The following ZNF652 variants were observed in gnomAD, a reference collection of about 807,000 sequenced individuals.
The protein encoded by ZNF652 is zinc finger protein 652.
A neutral mutation model predicts 45.2 loss-of-function variants in ZNF652; 16 were observed. The observed-to-expected ratio is 0.35, with a 90% confidence interval of 0.24 to 0.54. The LOEUF is 0.54. ZNF652 is among the 20% of genes least tolerant of loss of function. ZNF652 has a pLI of 0.91. For synonymous variants in ZNF652, 250 were observed against 260.6 expected (o/e 0.96, Z 0.39); for missense variants, 614 against 765.6 (o/e 0.80, Z 2.34).
chr17:49,321,296 C>T (rs2069888199), intron 1 of ZNF652, among the ~76,000 whole-genome samples: 1 of 152,028 alleles, frequency 6.6e-6, no homozygotes, highest in South Asian at 2.1e-4. Flanking sequence ...CAGAATCTCA[C>T]TCTGTCACCC....
intron 1 of ZNF652, among the ~76,000 whole-genome samples, chr17:49,356,012 C>G (rs571959975): frequency 6.6e-6 from 1 of 152,200 alleles, no homozygotes; most frequent in South Asian, 2.1e-4. Context: ...AGGTTTTGCT[C>G]TTAGGTTGAC....
chr17:49,298,355 C>T lies in ZNF652; in HGVS notation c.*58G>A. The stretch of plus-strand genomic sequence containing the variant: ...CTAAGGAAATGCTCACCGACTCCCT[C>T]TGTGCACGCTCACACATGGGGACGT... On this transcript the variant is annotated 3_prime_UTR_variant, in exon 6 of 6. Transcript: ENST00000430262. The T allele has an allele frequency of 6.3e-7, 1 of 1,598,342 alleles. No individual in the cohort carries two copies. Among genetic ancestry groups the T allele is most frequent in the South Asian group, 1.1e-5 (1 of 88,988 alleles).
intron 1 of ZNF652, among the ~76,000 whole-genome samples, chr17:49,349,309 G>A (rs2070245339): frequency 6.6e-6 from 1 of 152,100 alleles, no homozygotes; most frequent in South Asian, 2.1e-4. Flanking sequence ...TGAGACAGCA[G>A]AATTGCTTGA....
chr17:49,331,553 A>T (rs995323348), intron 1 of ZNF652, among the ~76,000 whole-genome samples: 1 of 152,230 alleles, frequency 6.6e-6, no homozygotes, highest in Non-Finnish European at 1.5e-5. Flanking sequence ...AGAGATGTCA[A>T]ATTGACTAGA....
intron 5 of ZNF652, among the ~76,000 whole-genome samples, chr17:49,310,160 A>G (rs1281117789): frequency 6.6e-6 from 1 of 152,094 alleles, no homozygotes; most frequent in Non-Finnish European, 1.5e-5. Flanking sequence ...TCACCGTGTT[A>G]GCCAGGATGG....
At chr17:49,324,213 A>T (rs1291396811) in intron 1 of ZNF652, among the ~76,000 whole-genome samples, 1 of 151,942 alleles carries the variant, frequency 6.6e-6, no homozygotes, top group Non-Finnish European at 1.5e-5. Context: ...TCATGAACCA[A>T]CCTCTCTGCT....
intron 1 of ZNF652, among the ~76,000 whole-genome samples, chr17:49,352,756 G>A (rs960826888): frequency 3.9e-5 from 6 of 152,170 alleles, no homozygotes; most frequent in Admixed American, 1.3e-4. Context: ...ACGAATGTAC[G>A]TGATCTGTGG....
intron 1 of ZNF652, among the ~76,000 whole-genome samples, chr17:49,327,766 TATATATA>T (rs1567690514): frequency 1.7e-4 from 1 of 5,904 alleles, no homozygotes; most frequent in African/African-American, 8.7e-4. Flanking sequence ...TATATATATA[TATATATA>T]TATATATTTT....
chr17:49,358,700 T>C (rs942533043), intron 1 of ZNF652, among the ~76,000 whole-genome samples: 1 of 152,174 alleles, frequency 6.6e-6, no homozygotes, highest in Admixed American at 6.5e-5. Flanking sequence ...AAAAGTATTT[T>C]CTTACCACAC....
At chr17:49,330,828 A>G (rs1598303879) in intron 1 of ZNF652, among the ~76,000 whole-genome samples, 1 of 151,700 alleles carries the variant, frequency 6.6e-6, no homozygotes, top group Admixed American at 6.6e-5. Context: ...AGGCAGGTGG[A>G]TCACCTGAGA....
intron 1 of ZNF652, among the ~76,000 whole-genome samples, chr17:49,353,929 C>T (rs2070307893): frequency 1.3e-5 from 2 of 152,138 alleles, no homozygotes; most frequent in South Asian, 4.1e-4. Flanking sequence ...CATAAATCAT[C>T]TTTAAAGAAA....
chr17:49,344,740 C>T (rs1258278885), intron 1 of ZNF652, among the ~76,000 whole-genome samples: 3 of 152,032 alleles, frequency 2.0e-5, no homozygotes, highest in Non-Finnish European at 2.9e-5. Context: ...AGGCTGGTCG[C>T]GAACTCCTGA....
intron 1 of ZNF652, among the ~76,000 whole-genome samples, chr17:49,360,218 T>C (rs2070378322): frequency 6.6e-6 from 1 of 152,206 alleles, no homozygotes; most frequent in African/African-American, 2.4e-5. Flanking sequence ...CTTTGTTGTT[T>C]ATTGCTCAGG....
chr17:49,356,458 C>CAA (rs1491255783), intron 1 of ZNF652, among the ~76,000 whole-genome samples: 1 of 99,906 alleles, frequency 1.0e-5, no homozygotes, highest in Non-Finnish European at 2.3e-5. Context: ...AAAATCAAAA[C>CAA]CAAAAAAAAA....
intron 1 of ZNF652, among the ~76,000 whole-genome samples, chr17:49,337,836 T>C (rs1271635886): frequency 6.6e-6 from 1 of 152,188 alleles, no homozygotes; most frequent in African/African-American, 2.4e-5. Flanking sequence ...AAGCTTTGAT[T>C]ATTATCTACA....
In ZNF652 at chr17:49,294,548, G is replaced by A. The variant is rs1345689858; in HGVS notation, c.*3865C>T. On this transcript the variant is annotated 3_prime_UTR_variant, in exon 6 of 6. Transcript: ENST00000430262. ...CAAATTTAAAAATCTAACTCCGAAT[G>A]AGCCTATCTGACTCAATTTGAGAAA... The A allele has an allele frequency of 6.6e-6, 1 of 152,114 alleles. No individual in the cohort carries two copies. Among genetic ancestry groups the A allele is most frequent in the African/African-American group, 2.4e-5 (1 of 41,426 alleles). The allele number at this position is 152,114 out of a possible 1,614,324, so 9.4% of individuals were successfully genotyped here. A position where few individuals can be genotyped will look rare whatever the true frequency, so the allele number is the denominator to read the frequency against.
At chr17:49,312,159 CTTTTTTTTTTTTTT>C (rs34553823) in intron 3 of ZNF652, 117 bp from the exon 4 acceptor site, 1 of 137,702 alleles carries the variant, frequency 7.3e-6, no homozygotes, top group Non-Finnish European at 1.3e-5. Context: ...ATTTGTGAGG[CTTTTTTTTTTTTTT>C]TTTTTTTTTT....
chr17:49,304,055 A>ATTTTTTTT (rs58790188), intron 5 of ZNF652, among the ~76,000 whole-genome samples: 3 of 117,422 alleles, frequency 2.6e-5, no homozygotes, highest in African/African-American at 6.4e-5. Flanking sequence ...TGCCTGGCTA[A>ATTTTTTTT]TTTTTTTTTT....
intron 5 of ZNF652, among the ~76,000 whole-genome samples, chr17:49,309,329 TAA>T (rs11307814): frequency 0.013 from 833 of 66,214 alleles, 4 homozygotes; most frequent in African/African-American, 0.029. Context: ...CTGTCTCTAC[TAA>T]AAAAAAAAAA....
Sources: allele counts gnomAD v4.1 joint callset (sites outside exome capture counted in the v4.1 genomes callset), GRCh38; gene constraint gnomAD v4.1.1; transcripts MANE v1.5; gene names NCBI Gene and HGNC (gene_info 2026-07-23, HGNC 2026-07-21).